The following SLIT1 variants were observed in gnomAD, a reference collection of about 807,000 sequenced individuals.
SLIT1 encodes the protein slit homolog 1 protein.
In SLIT1, 66 loss-of-function variants were observed where a neutral mutation model predicts 186.1. The ratio of observed to expected loss-of-function variants is 0.35; its 90% CI spans 0.29 to 0.44. The LOEUF is 0.44. SLIT1 is among the 20% of genes least tolerant of loss of function. The probability of loss-of-function intolerance (pLI) is 1.00; values close to 1 mark genes in which losing one functional copy is unlikely to be tolerated. For missense variants in SLIT1, 1,638 were observed against 2,037.4 expected, an observed-to-expected ratio of 0.80 and a Z score of 3.77; for synonymous variants, 761 against 833.8, an observed-to-expected ratio of 0.91 and a Z score of 1.50.
At chr10:97,040,798 G>C (rs1392119883) in intron 20 of SLIT1, among the ~76,000 whole-genome samples, 1 of 152,182 alleles carries the variant, frequency 6.6e-6, no homozygotes, top group Admixed American at 6.5e-5. Flanking sequence ...CAAAAAATCT[G>C]TGCCTTCCTT....
At chr10:97,061,346 A>G (rs764257852) in intron 8 of SLIT1, among the ~76,000 whole-genome samples, 4 of 152,236 alleles carry the variant, frequency 2.6e-5, no homozygotes, top group African/African-American at 2.4e-5. Flanking sequence ...TGTCTGAAAT[A>G]AGAGCCTTTG....
In SLIT1 at chr10:96,998,720, C is replaced by T. The variant is rs371855991; in HGVS notation, c.*2392G>A. The T allele has an allele frequency of 6.6e-6, 1 of 152,316 alleles. No individual in the cohort carries two copies. Among genetic ancestry groups the T allele is most frequent in the African/African-American group, 2.4e-5 (1 of 41,470 alleles). The allele number at this position is 152,316 out of a possible 1,614,324, so 9.4% of individuals were successfully genotyped here. Reference sequence around the variant, plus strand: ...CTCATGGTGGATTCCAATCCTCAGACTGCACTGAGGTCAGCGCTGCTGTGC... The same window carrying T: ...CTCATGGTGGATTCCAATCCTCAGATTGCACTGAGGTCAGCGCTGCTGTGC... On this transcript the variant is annotated 3_prime_UTR_variant, in exon 37 of 37. Transcript: ENST00000266058.
intron 13 of SLIT1, among the ~76,000 whole-genome samples, chr10:97,050,088 C>A (rs138925865): frequency 6.6e-6 from 1 of 152,078 alleles, no homozygotes; most frequent in Non-Finnish European, 1.5e-5. Context: ...GCAGAGGTTG[C>A]GGTGAGCTGA....
intron 4 of SLIT1, among the ~76,000 whole-genome samples, chr10:97,117,674 C>A (rs1005701929): frequency 2.6e-4 from 40 of 152,164 alleles, no homozygotes; most frequent in African/African-American, 9.4e-4. Flanking sequence ...AGGCTTGGGC[C>A]ATGCAAGTGA....
intron 25 of SLIT1, among the ~76,000 whole-genome samples, chr10:97,027,905 A>G (rs566321046): frequency 3.3e-5 from 5 of 152,288 alleles, no homozygotes; most frequent in Admixed American, 1.3e-4. Flanking sequence ...TACAAGAGAT[A>G]CATTAAGGGG....
chr10:97,157,769 G>T, intron 4 of SLIT1, 49 bp downstream of exon 4: 2 of 1,426,362 alleles, frequency 1.4e-6, no homozygotes, highest in Non-Finnish European at 2.0e-6. Context: ...CCCACAGGGT[G>T]AGAGACAAAA....
At chr10:97,002,480 C>A in intron 35 of SLIT1, 111 bp from the exon 36 acceptor site, 1 of 686,750 alleles carries the variant, frequency 1.5e-6, no homozygotes, top group Non-Finnish European at 2.3e-6. Context: ...CTTCACAGGT[C>A]TTTAATCTGT....
chr10:97,142,300 T>C (rs916865756), intron 4 of SLIT1, among the ~76,000 whole-genome samples: 1 of 152,060 alleles, frequency 6.6e-6, no homozygotes, highest in Non-Finnish European at 1.5e-5. Flanking sequence ...ACCAATGGAA[T>C]AGAATAGACA....
In SLIT1 at chr10:97,108,576, C is replaced by T. The variant is rs552373945; in HGVS notation, c.414-42490G>A. Among the ~76,000 whole-genome samples, 9 of 152,290 alleles carry T rather than the reference C, an allele frequency of 5.9e-5. No individual in the cohort carries two copies. In the East Asian group the frequency reaches 1.4e-3, roughly 23 times the overall value. ...AATAGGGCCCTCACGAAAGGCCCAA[C>T]ATGGCATCGGCTGGTGGTTAAGAGC... On this transcript the variant is annotated intron_variant, in intron 4 of 36. Coordinates refer to ENST00000266058, the MANE Select transcript of SLIT1 (RefSeq NM_003061.3).
intron 4 of SLIT1, among the ~76,000 whole-genome samples, chr10:97,148,937 T>C (rs913804328): frequency 4.6e-5 from 7 of 152,348 alleles, no homozygotes; most frequent in African/African-American, 1.7e-4. Context: ...ATTTTTGTAA[T>C]GCTGTAGGAG....
At chr10:97,035,167 C>T (rs1014642358) in intron 22 of SLIT1, among the ~76,000 whole-genome samples, 13 of 152,186 alleles carry the variant, frequency 8.5e-5, no homozygotes, top group Admixed American at 5.2e-4. Flanking sequence ...CCTCCGCTCC[C>T]GACTGTCTTT....
intron 4 of SLIT1, among the ~76,000 whole-genome samples, chr10:97,145,972 C>G (rs1222664230): frequency 6.6e-6 from 1 of 152,218 alleles, no homozygotes; most frequent in Admixed American, 6.5e-5. Context: ...TTTCCCACCC[C>G]ACCCCAAACC....
intron 4 of SLIT1, among the ~76,000 whole-genome samples, chr10:97,149,049 C>T (rs190835248): frequency 1.6e-4 from 25 of 152,250 alleles, no homozygotes; most frequent in South Asian, 2.1e-4. Context: ...TCGCCACCCC[C>T]CCGTGGCCCT....
At chr10:97,159,849 C>A (rs905611174) in intron 3 of SLIT1, among the ~76,000 whole-genome samples, 1 of 152,176 alleles carries the variant, frequency 6.6e-6, no homozygotes, top group African/African-American at 2.4e-5. Flanking sequence ...AAACACCCCC[C>A]ACAGAGGTTT....
intron 13 of SLIT1, among the ~76,000 whole-genome samples, chr10:97,052,525 A>G (rs938992297): frequency 1.3e-5 from 2 of 152,234 alleles, no homozygotes; most frequent in South Asian, 2.1e-4. Context: ...GGTGATGGAA[A>G]CGTTCTAAAG....
At chr10:97,028,249 C>T (rs7091937) in intron 25 of SLIT1, among the ~76,000 whole-genome samples, 2 of 152,240 alleles carry the variant, frequency 1.3e-5, no homozygotes, top group African/African-American at 2.4e-5. Flanking sequence ...CCAGAGGCAC[C>T]ACCTCCAGCA....
intron 4 of SLIT1, among the ~76,000 whole-genome samples, chr10:97,081,803 A>G (rs1199547290): frequency 6.6e-6 from 1 of 152,218 alleles, no homozygotes; most frequent in African/African-American, 2.4e-5. Flanking sequence ...ACGAGGAACC[A>G]CAAGGAGTCG....
chr10:97,164,166 C>T (rs1278770262), intron 2 of SLIT1, among the ~76,000 whole-genome samples: 1 of 152,240 alleles, frequency 6.6e-6, no homozygotes, highest in African/African-American at 2.4e-5. Flanking sequence ...TTGACTGTTG[C>T]GTGATAACTT....
Position 97,010,937 on chromosome 10 carries a change from G to C in SLIT1, c.3341+56C>G, listed in dbSNP as rs938246161. 1.3e-6 allele frequency: 2 copies of C among 1,571,844 alleles called. No homozygotes were observed. The highest frequency in any genetic ancestry group is 2.7e-5 in the African/African-American group (2 of 73,922). ...TCGCCATGGCTGGAGGCTCCTGCCA[G>C]CCCAGGGGCTGACAGCCACAAGGAG... On this transcript the variant is annotated intron_variant, in intron 31 of 36. Transcript: ENST00000266058. The surrounding 1 kb of genome is among the most constrained non-coding windows in gnomAD (Gnocchi z 4.8).
Sources: allele counts gnomAD v4.1 joint callset (sites outside exome capture counted in the v4.1 genomes callset), GRCh38; gene constraint gnomAD v4.1.1; non-coding constraint Gnocchi (gnomAD v3.1); transcripts MANE v1.5; gene names NCBI Gene and HGNC (gene_info 2026-07-23, HGNC 2026-07-21).